The following WDR38 variants were observed in gnomAD, a reference collection of about 807,000 sequenced individuals.
WDR38 encodes WD repeat domain 38, also known as WD repeat-containing protein 38.
Under a neutral mutation model 36.6 loss-of-function variants are expected in WDR38, and 37 were observed. The observed-to-expected ratio is 1.01, with a 90% CI of 0.78 to 1.33. The LOEUF is 1.33. Among genes scored for constraint, WDR38 ranks in the 40% most tolerant of loss-of-function variants. The probability of loss-of-function intolerance (pLI) is 0.00; values close to 1 mark genes in which losing one functional copy is unlikely to be tolerated. For missense variants in WDR38, 411 were observed against 414.6 expected (o/e 0.99, Z 0.07); for synonymous variants, 164 against 168.1 (o/e 0.98, Z 0.19).
Position 124,853,576 on chromosome 9 carries a change from A to T in WDR38, c.45A>T (p.Lys15Asn). 1 of 1,267,274 alleles carries T rather than the reference A, an allele frequency of 7.9e-7. No homozygotes were observed. The highest frequency in any genetic ancestry group is 2.9e-5 in the East Asian group (1 of 34,126). The allele number at this position is 1,267,274 out of a possible 1,614,324, so 78.5% of individuals were successfully genotyped here. A position where few individuals can be genotyped will look rare whatever the true frequency, so the allele number is the denominator to read the frequency against. Reference sequence around the variant, plus strand: ...CCACGCTGGCCGTGCGGAGAGTGAAATTCTTCGGCCAGCACGGCGGGGAGG... The same window carrying T: ...CCACGCTGGCCGTGCGGAGAGTGAATTTCTTCGGCCAGCACGGCGGGGAGG... Reference protein sequence around the residue: ...VPATLAVRRVKFFGQHGGEVN... With the variant: ...VPATLAVRRVNFFGQHGGEVN... Residue 15 changes from lysine (K) to asparagine (N), a missense_variant, in exon 1 of 9, where the codon AAA becomes AAT. Transcript: ENST00000373574.
chr9:124,855,610 C>G, intron 2 of WDR38, 24 bp from the exon 3 acceptor site: 1 of 1,599,868 alleles, frequency 6.3e-7, no homozygotes, highest in Non-Finnish European at 8.5e-7. Flanking sequence ...GTGCTCTGTC[C>G]CCTGACTGTG....
chr9:124,857,807 CCAT>C lies in WDR38; in HGVS notation c.*180_*182del. On this transcript the variant is annotated 3_prime_UTR_variant, in exon 9 of 9. Coordinates refer to ENST00000373574, the MANE Select transcript of WDR38 (RefSeq NM_001045476.3). ...TGGTGGGCAGGACGCTTGCTGGAACCCATCAGACACCTGGTCCCCAAAACCAGA... is the reference window on the plus strand; with the variant it reads ...TGGTGGGCAGGACGCTTGCTGGAACCCAGACACCTGGTCCCCAAAACCAGA... The C allele has an allele frequency of 6.6e-7, 1 of 1,526,006 alleles. No homozygotes were observed. Among genetic ancestry groups the C allele is most frequent in the Admixed American group, 1.8e-5 (1 of 55,932 alleles). 94.5% of individuals were successfully genotyped at this position (1,526,006 alleles called of 1,614,324 possible).
Position 124,853,521 on chromosome 9 carries a change from G to C in WDR38, c.-11G>C. 1.6e-6 allele frequency: 2 copies of C among 1,243,670 alleles called. No homozygotes were observed. The highest frequency in any genetic ancestry group is 2.0e-6 in the Non-Finnish European group (2 of 988,024). The allele number at this position is 1,243,670 out of a possible 1,614,324, so 77.0% of individuals were successfully genotyped here. A position where few individuals can be genotyped will look rare whatever the true frequency, so the allele number is the denominator to read the frequency against. On this transcript the variant is annotated 5_prime_UTR_variant, in exon 1 of 9. Coordinates refer to ENST00000373574, the MANE Select transcript of WDR38 (RefSeq NM_001045476.3). Reference sequence around the variant, plus strand: ...AGGGAGCCCGCCGGGGCGGGGCGGGGCCGGGTGCCCATGAACAGCGGGGTC... The same window carrying C: ...AGGGAGCCCGCCGGGGCGGGGCGGGCCCGGGTGCCCATGAACAGCGGGGTC...
At chr9:124,854,604 C>T (rs374776074) in intron 2 of WDR38, among the ~76,000 whole-genome samples, 3 of 152,158 alleles carry the variant, frequency 2.0e-5, no homozygotes, top group African/African-American at 4.8e-5. Context: ...GTGACAGAGT[C>T]GCTCTCTGTC....
chr9:124,856,528 A>T lies in WDR38; in HGVS notation c.546A>T (p.Ala182=). 6.2e-7 allele frequency: 1 copy of T among 1,612,952 alleles called. No homozygotes were observed. The highest frequency in any genetic ancestry group is 8.5e-7 in the Non-Finnish European group (1 of 1,179,480). Residue 182 remains alanine (A), a synonymous_variant, in exon 6 of 9, where the codon GCA becomes GCT. Coordinates refer to ENST00000373574, the MANE Select transcript of WDR38 (RefSeq NM_001045476.3). ...HIWDLRMVTP[A]VSHQALEGHS... The stretch of plus-strand genomic sequence containing the variant: ...GGGACCTGCGGATGGTGACCCCAGC[A>T]GTCTCCCACCAGGCGCTAGAGGGAC...
chr9:124,854,078 C>T, intron 1 of WDR38, 127 bp from the exon 2 acceptor site: 1 of 1,472,160 alleles, frequency 6.8e-7, no homozygotes, highest in South Asian at 1.3e-5. Flanking sequence ...GTTCTGGGCT[C>T]TGGTGGTGGA....
At chr9:124,857,003 G>C in intron 7 of WDR38, 122 bp downstream of exon 7, 2 of 1,420,130 alleles carry the variant, frequency 1.4e-6, no homozygotes. Flanking sequence ...GCAAGGGCAG[G>C]ACCTGGGTGC....
Position 124,857,700 on chromosome 9 carries a change from C to T in WDR38, c.*70C>T, listed in dbSNP as rs184690566. The T allele has an allele frequency of 1.0e-3, 1,659 of 1,599,510 alleles. 3 individuals carry two copies. Among genetic ancestry groups the T allele is most frequent in the Non-Finnish European group, 1.3e-3 (1,504 of 1,174,762 alleles). ...TGGCGCACAGGCATGCCGCTTCTCC[C>T]CACAGACGCAAAGTGACTGTGCTGG... On this transcript the variant is annotated 3_prime_UTR_variant, in exon 9 of 9. Transcript: ENST00000373574.
Position 124,856,570 on chromosome 9 carries a change from C to G in WDR38, c.588C>G (p.Ser196Arg), listed in dbSNP as rs1829075737. 6.2e-7 allele frequency: 1 copy of G among 1,613,824 alleles called. No homozygotes were observed. Among genetic ancestry groups the G allele is most frequent in the African/African-American group, 1.3e-5 (1 of 74,938 alleles). Residue 196 changes from serine (S) to arginine (R), a missense_variant, in exon 6 of 9, where the codon AGC becomes AGG. Physicochemically the swap from Ser to Arg is moderately radical, Grantham distance 110 (BLOSUM62 -1). Transcript: ENST00000373574. ...TAGAGGGACACAGTGCCAACATCAGCTGCCTGTGCTATTCAGCATCCGGCC... is the reference window on the plus strand; with the variant it reads ...TAGAGGGACACAGTGCCAACATCAGGTGCCTGTGCTATTCAGCATCCGGCC... ...QALEGHSANI[S>R]CLCYSASGLL...
At chr9:124,854,918 C>G (rs949778699) in intron 2 of WDR38, among the ~76,000 whole-genome samples, 3 of 152,154 alleles carry the variant, frequency 2.0e-5, no homozygotes, top group African/African-American at 7.2e-5. Context: ...TTCACATTGT[C>G]GTGACACCAA....
chr9:124,855,802 G>A (rs763810733), intron 3 of WDR38, 52 bp downstream of exon 3: 2 of 1,613,364 alleles, frequency 1.2e-6, no homozygotes, highest in African/African-American at 2.7e-5. Flanking sequence ...TTCAGATGGT[G>A]CTGTGTCCTG....
chr9:124,856,845 C>A lies in WDR38; in HGVS notation c.732C>A (p.Asp244Glu). 1 of 1,614,212 alleles carries A rather than the reference C, an allele frequency of 6.2e-7. No individual in the cohort carries two copies. The highest frequency in any genetic ancestry group is 2.2e-5 in the East Asian group (1 of 44,884). ...TWVKSIAFSP[D>E]ELWLASAGYS... ...TGAAGAGCATAGCCTTCTCTCCCGA[C>A]GAGCTGTGGCTGGCCAGCGCCGGCT... The change falls in exon 7 of 9, where the codon GAC becomes GAA. Residue 244 changes from aspartate (D) to glutamate (E), a missense_variant. Asp to Glu is a conservative substitution (Grantham distance 45, BLOSUM62 2). Transcript: ENST00000373574.
chr9:124,854,088 A>C, intron 1 of WDR38, 117 bp from the exon 2 acceptor site: 1 of 1,504,850 alleles, frequency 6.6e-7, no homozygotes. Flanking sequence ...CTGGTGGTGG[A>C]GTGAGGCTTG....
chr9:124,855,846 G>A lies in WDR38; in HGVS notation c.308-15G>A, dbSNP rs570703676. ...CACCTTTCCACCTTCCCCGACCCCG[G>A]GCTGGTGCCTGCAGGTCACCAACGG... On this transcript the variant is annotated splice_polypyrimidine_tract_variant and intron_variant, in intron 3 of 8. Coordinates refer to ENST00000373574, the MANE Select transcript of WDR38 (RefSeq NM_001045476.3). The A allele has an allele frequency of 1.9e-6, 3 of 1,614,078 alleles. No individual in the cohort carries two copies. The highest frequency in any genetic ancestry group is 1.7e-5 in the Admixed American group (1 of 60,024).
Position 124,856,494 on chromosome 9 carries a change from T to C in WDR38, c.512T>C (p.Val171Ala), listed in dbSNP as rs757808512. The C allele has an allele frequency of 6.2e-7, 1 of 1,612,400 alleles. No individual in the cohort carries two copies. Among genetic ancestry groups the C allele is most frequent in the Non-Finnish European group, 8.5e-7 (1 of 1,179,242 alleles). The change falls in exon 6 of 9, where the codon GTA becomes GCA. Residue 171 changes from valine to alanine, a missense_variant. Coordinates refer to ENST00000373574, the MANE Select transcript of WDR38 (RefSeq NM_001045476.3). ...CLATGSWDST[V>A]HIWDLRMVTP... ...GCCACCGGCTCCTGGGACTCCACCG[T>C]ACACATCTGGGACCTGCGGATGGTG...
At chr9:124,856,407 C>T in intron 5 of WDR38, 62 bp from the exon 6 acceptor site, 1 of 1,612,416 alleles carries the variant, frequency 6.2e-7, no homozygotes. Context: ...GACTCTGGGT[C>T]CCGCCTAGAT....
In WDR38 at chr9:124,857,763, C is replaced by G. The variant is rs1829124627; in HGVS notation, c.*133C>G. 4 of 1,507,678 alleles carry G rather than the reference C, an allele frequency of 2.7e-6. No homozygotes were observed. The allele number at this position is 1,507,678 out of a possible 1,614,324, so 93.4% of individuals were successfully genotyped here. On this transcript the variant is annotated 3_prime_UTR_variant, in exon 9 of 9. Transcript: ENST00000373574. ...CCCCATGGCCAGGACTCTCCAGGCC[C>G]CACCAGAGCAGACAACTGTGGTGGG... is the stretch of plus-strand genomic sequence containing the variant.
intron 2 of WDR38, 120 bp from the exon 3 acceptor site, chr9:124,855,514 G>C (rs1240207429): frequency 2.0e-6 from 2 of 1,001,006 alleles, no homozygotes; most frequent in Non-Finnish European, 3.0e-6. Context: ...GCATTTCTGG[G>C]AAGCTGGAGT....
rs1235713050 is a variant in WDR38 at position 124,854,309 on chromosome 9, G to A, written c.174G>A (p.Arg58=). Residue 58 remains arginine, a synonymous_variant, in exon 2 of 9, where the codon AGG becomes AGA. Transcript: ENST00000373574. ...WETRSGQLLW[R]LGGHTGPVKF... is the part of the protein sequence containing the mutation. ...CCCGGAGTGGGCAGCTGCTGTGGAG[G>A]CTGGGTGGCCACACAGGTGGGGCTC... The A allele has an allele frequency of 6.2e-7, 1 of 1,613,886 alleles. No individual in the cohort carries two copies. The highest frequency in any genetic ancestry group is 8.5e-7 in the Non-Finnish European group (1 of 1,179,980).
Sources: allele counts gnomAD v4.1 joint callset (sites outside exome capture counted in the v4.1 genomes callset), GRCh38; gene constraint gnomAD v4.1.1; transcripts MANE v1.5; gene names NCBI Gene and HGNC (gene_info 2026-07-23, HGNC 2026-07-21).